The following RGS3 variants were observed in gnomAD, a reference collection of about 807,000 sequenced individuals.
The protein encoded by RGS3 is regulator of G-protein signalling 3.
A neutral mutation model predicts 132.6 loss-of-function variants in RGS3; 80 were observed. The observed-to-expected ratio is 0.60, with a 90% CI of 0.50 to 0.73. The LOEUF (loss-of-function observed/expected upper bound fraction) is 0.73, where lower values mean the gene tolerates loss of function less well. Among genes scored for constraint, RGS3 ranks in the 30% least tolerant of loss-of-function variants. RGS3 has a pLI of 0.00. For missense variants in RGS3, 1,382 were observed against 1,530.8 expected (o/e 0.90, Z 1.62); for synonymous variants, 598 against 620.6 (o/e 0.96, Z 0.54).
chr9:113,506,339 G>T lies in RGS3; in HGVS notation c.980-49G>T. The T allele has an allele frequency of 8.4e-7, 1 of 1,185,760 alleles. No individual in the cohort carries two copies. Among genetic ancestry groups the T allele is most frequent in the Non-Finnish European group, 1.2e-6 (1 of 812,862 alleles). 73.5% of individuals were successfully genotyped at this position (1,185,760 alleles called of 1,614,324 possible). On this transcript the variant is annotated intron_variant, in intron 11 of 24. Coordinates refer to ENST00000350696, the Ensembl canonical transcript of RGS3. The surrounding 1 kb of genome is among the most constrained non-coding windows in gnomAD (Gnocchi z 4.7). ...GCAAAGGACTCCAGATCCTTTGAAG[G>T]GGTCTTAGGCTTCAGGGGCCCCTGA...
chr9:113,554,392 A>G (rs993354496), intron 19 of RGS3, among the ~76,000 whole-genome samples: 1 of 152,220 alleles, frequency 6.6e-6, no homozygotes, highest in Non-Finnish European at 1.5e-5. Flanking sequence ...TGCAACCTCC[A>G]CCTTCTGAGT....
chr9:113,574,989 G>T (rs917487388), intron 19 of RGS3, among the ~76,000 whole-genome samples: 2 of 152,216 alleles, frequency 1.3e-5, no homozygotes, highest in Non-Finnish European at 2.9e-5. Context: ...GGGGTGGTGG[G>T]TGGGGACAAA....
chr9:113,449,907 TA>T lies in RGS3; in HGVS notation c.-13+4982del, dbSNP rs1315693759. Among the ~76,000 whole-genome samples, 4 of 149,970 alleles carry T rather than the reference TA, an allele frequency of 2.7e-5. No individual in the cohort carries two copies. The East Asian group carries it at 8.0e-4, about 30-fold the overall frequency. On this transcript the variant is annotated intron_variant, in intron 1 of 25. Coordinates refer to the RGS3 transcript ENST00000374140. ...ACAGGTGCCCGCCCCCACTCTTGGC[TA>T]ATTTTTTTGTATTTTTAGTAGAGAT...
intron 18 of RGS3, among the ~76,000 whole-genome samples, chr9:113,535,918 G>C (rs1832658960): frequency 1.3e-5 from 2 of 152,180 alleles, no homozygotes; most frequent in Non-Finnish European, 2.9e-5. Context: ...CTCTGCTTTA[G>C]GGGTGGCTCT....
rs1831161712 is a variant in RGS3, at chr9:113,507,092, A to G, written c.1086-195A>G. ...TCTCAACCACTGCCCGTCAATAGGA[A>G]TTGACCTAGGTGACCCATTTGCTGT... is the stretch of plus-strand genomic sequence containing the variant. On this transcript the variant is annotated intron_variant, in intron 12 of 24. Transcript: ENST00000350696. This position sits in a 1 kb window ranked among gnomAD's most constrained non-coding sequence, Gnocchi z 5.0. Among the ~76,000 whole-genome samples, 1 of 152,166 alleles carries G rather than the reference A, an allele frequency of 6.6e-6. No individual in the cohort carries two copies. Among genetic ancestry groups the G allele is most frequent in the South Asian group, 2.1e-4 (1 of 4,828 alleles).
At chr9:113,517,502 C>G in intron 15 of RGS3, 39 bp from the exon 14 acceptor site, 1 of 1,566,504 alleles carries the variant, frequency 6.4e-7, no homozygotes. Flanking sequence ...CTCACCCAGC[C>G]TCTTTTTGAA....
intron 18 of RGS3, among the ~76,000 whole-genome samples, chr9:113,529,595 A>T (rs1452090088): frequency 6.6e-6 from 1 of 152,208 alleles, no homozygotes; most frequent in African/African-American, 2.4e-5. Context: ...TTACTGGTTA[A>T]TAGCCCTTCC....
At chr9:113,596,900 T>C in exon 25 of RGS3, 2 of 1,613,726 alleles carry the variant, frequency 1.2e-6, no homozygotes, top group South Asian at 1.1e-5. Flanking sequence ...CTTTCTCCGT[T>C]CTGACCTCTA....
At chr9:113,508,468 G>GT (rs1831243993) in intron 13 of RGS3, 73 bp from the exon 12 acceptor site, 31 of 1,578,976 alleles carry the variant, frequency 2.0e-5, no homozygotes, top group Non-Finnish European at 2.5e-5. Context: ...TGGGGCCCCC[G>GT]TGTCCAGCAG....
At chr9:113,594,651 C>A in intron 22 of RGS3, 120 bp downstream of exon 20, 1 of 827,102 alleles carries the variant, frequency 1.2e-6, no homozygotes, top group Non-Finnish European at 1.9e-6. Flanking sequence ...CTGGGGGAGA[C>A]AGGCTTTCAC....
chr9:113,572,163 A>G (rs972711280), intron 19 of RGS3, among the ~76,000 whole-genome samples: 1 of 152,076 alleles, frequency 6.6e-6, no homozygotes, highest in Non-Finnish European at 1.5e-5. Flanking sequence ...GGTGTGGTGG[A>G]GAGGTTGGCG....
At chr9:113,594,107 CCCGGCTTGTG>C in intron 21 of RGS3, 1 of 1,613,144 alleles carries the variant, frequency 6.2e-7, no homozygotes, top group Non-Finnish European at 8.5e-7. Context: ...GAGTCCCAGC[CCCGGCTTGTG>C]CCTGGGAGTC....
Position 113,547,409 on chromosome 9 carries a change from G to A in RGS3, c.2037+10491G>A, listed in dbSNP as rs184616657. On this transcript the variant is annotated intron_variant, in intron 19 of 24. Transcript: ENST00000350696. ...CATTACTGCCTCCTCTCCCCTAGAG[G>A]TGCTTCTTCCAGCCTCCCCCATTGG... Among the ~76,000 whole-genome samples, 21 of 152,242 alleles carry A rather than the reference G, an allele frequency of 1.4e-4. No individual in the cohort carries two copies. In the East Asian group the frequency reaches 3.9e-3, roughly 28 times the overall value.
chr9:113,593,895 C>T (rs923672052), intron 21 of RGS3: 3 of 1,571,620 alleles, frequency 1.9e-6, no homozygotes, highest in Non-Finnish European at 2.6e-6. Context: ...TGTCCCCCAC[C>T]CCCCACCACT....
chr9:113,516,311 A>T (rs1033667031), intron 15 of RGS3, among the ~76,000 whole-genome samples: 1 of 150,938 alleles, frequency 6.6e-6, no homozygotes, highest in African/African-American at 2.4e-5. Flanking sequence ...CTTTCTTAGC[A>T]TGTGACACAA....
intron 15 of RGS3, among the ~76,000 whole-genome samples, chr9:113,514,897 C>T (rs190840395): frequency 8.5e-5 from 13 of 152,262 alleles, no homozygotes; most frequent in African/African-American, 3.1e-4. Flanking sequence ...TCTCCTTCCC[C>T]CACCTCGCCT....
chr9:113,574,388 A>C (rs2118907378), intron 19 of RGS3, among the ~76,000 whole-genome samples: 1 of 152,136 alleles, frequency 6.6e-6, no homozygotes, highest in Non-Finnish European at 1.5e-5. Flanking sequence ...TGCTGCCTCT[A>C]CTTCCACAGC....
At chr9:113,561,861 CT>C (rs1244288807) in intron 19 of RGS3, among the ~76,000 whole-genome samples, 2 of 152,240 alleles carry the variant, frequency 1.3e-5, no homozygotes, top group African/African-American at 2.4e-5. Context: ...TGCATCCCCC[CT>C]GGGGCCTGTC....
At chr9:113,472,177 A>G (rs1829856336) in intron 3 of RGS3, among the ~76,000 whole-genome samples, 1 of 152,222 alleles carries the variant, frequency 6.6e-6, no homozygotes, top group South Asian at 2.1e-4. Context: ...CGGAATGTCA[A>G]ATGGTGCAAC....
Sources: gnomAD v4.1 joint callset for allele counts (sites outside exome capture counted in the v4.1 genomes callset) on GRCh38, gnomAD v4.1.1 for gene constraint, Gnocchi (gnomAD v3.1) non-coding constraint, MANE v1.5 for transcripts, NCBI Gene and HGNC (gene_info 2026-07-23, HGNC 2026-07-21) for gene names.